The following ADGRE1 variants were observed in gnomAD, a reference collection of about 807,000 sequenced individuals.
The protein encoded by ADGRE1 is adhesion G protein-coupled receptor E1, also known as EGF-like module receptor 1.
A neutral mutation model predicts 102.7 loss-of-function variants in ADGRE1; 82 were observed. The ratio of observed to expected loss-of-function variants is 0.80; its 90% CI spans 0.67 to 0.96. ADGRE1 has a LOEUF of 0.96. ADGRE1 is among the 40% of genes least tolerant of loss of function. The pLI is 0.00. For synonymous variants in ADGRE1, 398 were observed against 399.6 expected, an observed-to-expected ratio of 1.00 and a Z score of 0.05; for missense variants, 1,032 against 1,085.3, an observed-to-expected ratio of 0.95 and a Z score of 0.69.
chr19:6,917,676 G>C (rs973235121), intron 12 of ADGRE1, among the ~76,000 whole-genome samples: 1 of 149,908 alleles, frequency 6.7e-6, no homozygotes, highest in Non-Finnish European at 1.5e-5. Flanking sequence ...GGAGGTGGAG[G>C]CTGCAGTGAG....
chr19:6,893,476 C>G (rs574252517), intron 2 of ADGRE1, among the ~76,000 whole-genome samples: 1 of 152,234 alleles, frequency 6.6e-6, no homozygotes, highest in South Asian at 2.1e-4. Context: ...GCTGGGATTA[C>G]AGGCGTGAGC....
intron 15 of ADGRE1, among the ~76,000 whole-genome samples, chr19:6,925,603 C>T (rs564520763): frequency 5.3e-5 from 8 of 152,290 alleles, no homozygotes; most frequent in Middle Eastern, 3.4e-3. Context: ...CAGCCCTCCA[C>T]GGCAGAGAAT....
intron 17 of ADGRE1, among the ~76,000 whole-genome samples, chr19:6,931,097 A>G (rs1327664613): frequency 7.1e-6 from 1 of 141,468 alleles, no homozygotes; most frequent in African/African-American, 2.6e-5. Flanking sequence ...TATCCTTCCC[A>G]GCTTCTGGTA....
rs1420653105 is a variant in ADGRE1 at position 6,937,524 on chromosome 19, T to A, written c.2551-20T>A. 4.4e-6 allele frequency: 7 copies of A among 1,606,544 alleles called. No individual in the cohort carries two copies. The highest frequency in any genetic ancestry group is 5.1e-6 in the Non-Finnish European group (6 of 1,176,624). On this transcript the variant is annotated intron_variant, in intron 19 of 20. Transcript: ENST00000312053. ...ACTGGACCATTTCCCTGCATCTGGA[T>A]GATGTGTCTCCTTCTCCAGGTACGA... is the stretch of plus-strand genomic sequence containing the variant.
rs534568118 is a variant in ADGRE1 at position 6,925,438 on chromosome 19, T to G, written c.1986+566T>G. Among the ~76,000 whole-genome samples the G allele has an allele frequency of 5.9e-5, 9 of 152,298 alleles. No individual in the cohort carries two copies. The East Asian group carries it at 1.2e-3, about 20-fold the overall frequency. ...ACGCACGGCCCCTCCTGTTACTTTCTAAACCAGAGGTTCTCTCCCTGGGTG... is the reference window on the plus strand; with the variant it reads ...ACGCACGGCCCCTCCTGTTACTTTCGAAACCAGAGGTTCTCTCCCTGGGTG... On this transcript the variant is annotated intron_variant, in intron 15 of 20. Transcript: ENST00000312053.
chr19:6,910,306 C>T (rs1385477107), intron 10 of ADGRE1, among the ~76,000 whole-genome samples: 1 of 151,990 alleles, frequency 6.6e-6, no homozygotes, highest in Admixed American at 6.6e-5. Flanking sequence ...TTCCCCCCTC[C>T]CGCTCCACCC....
At chr19:6,910,797 T>C (rs1365135191) in intron 10 of ADGRE1, among the ~76,000 whole-genome samples, 2 of 152,076 alleles carry the variant, frequency 1.3e-5, no homozygotes, top group African/African-American at 2.4e-5. Flanking sequence ...GGTCTCGAAC[T>C]CCTGACCTCA....
At position 6,921,832 on chromosome 19, in the gene ADGRE1, C is replaced by T. The variant is rs1974678926; in HGVS notation, c.1740C>T (p.Ser580=). The change falls in exon 14 of 21, where the codon AGC becomes AGT. Residue 580 remains serine (S), a synonymous_variant. Coordinates refer to ENST00000312053, the MANE Select transcript of ADGRE1 (RefSeq NM_001974.5). The part of the protein sequence containing the change: ...LEASETYTIC[S]CNQMANLAVI... ...CTTCTGAGACATATACCATCTGCAG[C>T]TGTAATCAGATGGCAAATCTTGCCG... is the stretch of plus-strand genomic sequence containing the variant. The T allele has an allele frequency of 6.2e-7, 1 of 1,614,108 alleles. No individual in the cohort carries two copies. The highest frequency in any genetic ancestry group is 2.2e-5 in the East Asian group (1 of 44,876).
In ADGRE1 at chr19:6,937,416, G is replaced by A. The variant is rs1432284414; in HGVS notation, c.2550+5G>A. ...CACTGTCTGCTCAACGGCCAGGTGT[G>A]TAGCTGCTGCCCTCCCCATCCCCCT... On this transcript the variant is annotated splice_donor_5th_base_variant and intron_variant, in intron 19 of 20. Transcript: ENST00000312053. 6.2e-7 allele frequency: 1 copy of A among 1,612,122 alleles called. No homozygotes were observed. Among genetic ancestry groups the A allele is most frequent in the Non-Finnish European group, 8.5e-7 (1 of 1,179,466 alleles).
intron 9 of ADGRE1, among the ~76,000 whole-genome samples, chr19:6,907,645 T>A (rs2144927441): frequency 6.6e-6 from 1 of 152,184 alleles, no homozygotes; most frequent in South Asian, 2.1e-4. Context: ...AGCCAAGTTC[T>A]GGAATATTTT....
At chr19:6,891,664 G>A (rs1016470709) in intron 2 of ADGRE1, among the ~76,000 whole-genome samples, 1 of 152,118 alleles carries the variant, frequency 6.6e-6, no homozygotes, top group Non-Finnish European at 1.5e-5. Context: ...CTAGAAACCA[G>A]GCTGGTCTTG....
Position 6,926,499 on chromosome 19 carries a change from ACAT to A in ADGRE1, c.2123_2125del (p.Ile708del). 6.2e-7 allele frequency: 1 copy of A among 1,614,242 alleles called. No homozygotes were observed. Among genetic ancestry groups the A allele is most frequent in the Non-Finnish European group, 8.5e-7 (1 of 1,180,042 alleles). ...GTGGTGAATTACTTCAGCTCTCGCA[ACAT>A]CAAGATGCTGCACATCTGTGCCTTT... On this transcript the variant is annotated inframe_deletion, in exon 16 of 21. Transcript: ENST00000312053.
In ADGRE1 at chr19:6,919,727, T is replaced by A. The variant is rs771916048; in HGVS notation, c.1600T>A (p.Tyr534Asn). ...KKDGFSDPII[Y>N]TLENIQPKQK... ...AGACGGCTTCTCAGATCCAATCATC[T>A]ACACTCTGGAGAACATTCAGGTTTG... Residue 534 changes from tyrosine to asparagine, a missense_variant, in exon 13 of 21, where the codon TAC (tyrosine) becomes AAC (asparagine). Coordinates refer to ENST00000312053, the MANE Select transcript of ADGRE1 (RefSeq NM_001974.5). The A allele has an allele frequency of 6.2e-7, 1 of 1,613,512 alleles. No homozygotes were observed. Among genetic ancestry groups the A allele is most frequent in the South Asian group, 1.1e-5 (1 of 91,064 alleles).
intron 5 of ADGRE1, among the ~76,000 whole-genome samples, chr19:6,899,027 C>T (rs1475432301): frequency 3.3e-5 from 5 of 152,024 alleles, no homozygotes; most frequent in East Asian, 1.9e-4. Flanking sequence ...CAGTGTTGCT[C>T]GCTACTTGCT....
chr19:6,897,419 G>C lies in ADGRE1; in HGVS notation c.395-9G>C. 1 of 1,593,246 alleles carries C rather than the reference G, an allele frequency of 6.3e-7. No homozygotes were observed. Among genetic ancestry groups the C allele is most frequent in the Non-Finnish European group, 8.6e-7 (1 of 1,168,644 alleles). On this transcript the variant is annotated splice_polypyrimidine_tract_variant and intron_variant, in intron 4 of 20. Transcript: ENST00000312053. Reference sequence around the variant, plus strand: ...TCTTATCTGCTCACCCTCTTCCACTGCTTCTCAGATATCAATGAGTGCCTC... The same window carrying C: ...TCTTATCTGCTCACCCTCTTCCACTCCTTCTCAGATATCAATGAGTGCCTC...
chr19:6,911,985 A>T (rs1464367468), intron 10 of ADGRE1, among the ~76,000 whole-genome samples: 1 of 151,838 alleles, frequency 6.6e-6, no homozygotes, highest in Non-Finnish European at 1.5e-5. Context: ...ACATCTACAC[A>T]CAGATACACA....
At chr19:6,935,405 C>G (rs992460066) in intron 18 of ADGRE1, among the ~76,000 whole-genome samples, 1 of 152,166 alleles carries the variant, frequency 6.6e-6, no homozygotes, top group Non-Finnish European at 1.5e-5. Flanking sequence ...TACTACAACT[C>G]TTAATAAATT....
At chr19:6,934,419 CT>C (rs71177132) in intron 17 of ADGRE1, among the ~76,000 whole-genome samples, 18,663 of 95,400 alleles carry the variant, frequency 0.2, 944 homozygotes, top group Non-Finnish European at 0.23. Context: ...TCTTCTTCTT[CT>C]TTTTTTTTTT....
chr19:6,912,035 TACAC>T (rs1974216499), intron 10 of ADGRE1, among the ~76,000 whole-genome samples: 1 of 151,586 alleles, frequency 6.6e-6, no homozygotes, highest in East Asian at 1.9e-4. Flanking sequence ...CTGACACACA[TACAC>T]ACATATATAC....
Sources: allele counts gnomAD v4.1 joint callset (sites outside exome capture counted in the v4.1 genomes callset), GRCh38; gene constraint gnomAD v4.1.1; transcripts MANE v1.5; gene names NCBI Gene and HGNC (gene_info 2026-07-23, HGNC 2026-07-21).